The following GRB10 variants were observed in gnomAD, a reference collection of about 807,000 sequenced individuals.
GRB10 encodes the protein growth factor receptor bound protein 10, also known as growth factor receptor-bound protein 10.
GRB10 carries 20 observed loss-of-function variants against 80.9 expected under a neutral mutation model. The observed-to-expected ratio is 0.25, with a 90% CI of 0.17 to 0.36. GRB10 has a LOEUF of 0.36. Ranked by LOEUF, GRB10 falls within the 10% of genes least tolerant of loss-of-function variation. GRB10 has a pLI of 1.00. For synonymous variants in GRB10, 291 were observed against 291.5 expected (o/e 1.00, Z 0.02); for missense variants, 548 against 747.7 (o/e 0.73, Z 3.12).
At chr7:50,606,119 C>A (rs117896224) in intron 14 of GRB10, among the ~76,000 whole-genome samples, 5 of 152,270 alleles carry the variant, frequency 3.3e-5, no homozygotes, top group Non-Finnish European at 7.4e-5. Flanking sequence ...AGGGGAGATG[C>A]AGGGACGGGA....
At chr7:50,639,718 A>G (rs7792550) in intron 7 of GRB10, among the ~76,000 whole-genome samples, 1 of 151,582 alleles carries the variant, frequency 6.6e-6, no homozygotes, top group Non-Finnish European at 1.5e-5. Context: ...AGACCCTAAT[A>G]GGACTTTCCA....
rs1011209355 is a variant in GRB10 at position 50,782,551 on chromosome 7, G to A, written c.-454C>T. ...ACAGCGCTCCGCATGGACAGCGCTC[G>A]GAGCCGGGCCGGGCTGGTCCTCCAC... On this transcript the variant is annotated 5_prime_UTR_variant, in exon 1 of 19. Coordinates refer to ENST00000401949, the MANE Select transcript of GRB10 (RefSeq NM_001350814.2). This position sits in a 1 kb window ranked among gnomAD's most constrained non-coding sequence, Gnocchi z 6.6. The A allele has an allele frequency of 2.7e-5, 4 of 150,676 alleles. No homozygotes were observed. The East Asian group carries it at 7.8e-4, about 29-fold the overall frequency. 9.3% of individuals were successfully genotyped at this position (150,676 alleles called of 1,614,324 possible).
chr7:50,778,838 C>G (rs1184951651), intron 2 of GRB10, among the ~76,000 whole-genome samples: 1 of 152,186 alleles, frequency 6.6e-6, no homozygotes, highest in African/African-American at 2.4e-5. Flanking sequence ...AAAGCAGATA[C>G]AATTCCTACA....
At chr7:50,640,600 A>C (rs1375191035) in intron 7 of GRB10, among the ~76,000 whole-genome samples, 1 of 152,226 alleles carries the variant, frequency 6.6e-6, no homozygotes, top group Non-Finnish European at 1.5e-5. Context: ...ACATTGCTAC[A>C]AAACTTGACC....
At chr7:50,661,139 C>A (rs571423518) in intron 7 of GRB10, among the ~76,000 whole-genome samples, 1 of 152,322 alleles carries the variant, frequency 6.6e-6, no homozygotes, top group East Asian at 1.9e-4. Flanking sequence ...TCTCTCCGTG[C>A]AATACATTCT....
chr7:50,750,030 T>C lies in GRB10; in HGVS notation c.-47+5857A>G, dbSNP rs140376964. Among the ~76,000 whole-genome samples, 263 of 152,338 alleles carry C rather than the reference T, an allele frequency of 1.7e-3. 1 individual carries two copies. The highest frequency in any genetic ancestry group is 5.5e-3 in the African/African-American group (228 of 41,582). Reference sequence around the variant, plus strand: ...TGATCCTGCTACTCCCTTGGTGAGATTGCTGCCAGGCTGGCCCCACTCTCC... The same window carrying C: ...TGATCCTGCTACTCCCTTGGTGAGACTGCTGCCAGGCTGGCCCCACTCTCC... On this transcript the variant is annotated intron_variant, in intron 3 of 18. Transcript: ENST00000401949.
intron 5 of GRB10, among the ~76,000 whole-genome samples, chr7:50,688,614 G>T (rs572534796): frequency 6.6e-5 from 10 of 152,106 alleles, no homozygotes; most frequent in Admixed American, 1.3e-4. Flanking sequence ...CAGGAAGGAT[G>T]TGAGAAGACG....
chr7:50,618,302 C>T (rs2051017265), intron 9 of GRB10, among the ~76,000 whole-genome samples, 163 bp from the exon 10 acceptor site: 1 of 152,164 alleles, frequency 6.6e-6, no homozygotes, highest in South Asian at 2.1e-4. Flanking sequence ...ACAGAAGAAA[C>T]ACCTCCTTCA....
intron 7 of GRB10, among the ~76,000 whole-genome samples, chr7:50,649,314 A>T (rs2057689935): frequency 6.6e-6 from 1 of 152,226 alleles, no homozygotes. Context: ...TTTCCAAAGA[A>T]GCCCAGGAAG....
intron 14 of GRB10, among the ~76,000 whole-genome samples, chr7:50,606,079 T>TA (rs1201374063): frequency 1.3e-5 from 2 of 152,122 alleles, no homozygotes; most frequent in Non-Finnish European, 2.9e-5. Flanking sequence ...TTTGAGCACT[T>TA]AAAGAGAGCC....
At chr7:50,767,744 A>C (rs944224516) in intron 2 of GRB10, among the ~76,000 whole-genome samples, 1 of 152,170 alleles carries the variant, frequency 6.6e-6, no homozygotes, top group Admixed American at 6.5e-5. Context: ...CAGACCCAGC[A>C]GTGAGCCACT....
intron 2 of GRB10, among the ~76,000 whole-genome samples, chr7:50,762,226 A>G (rs2075845319): frequency 6.6e-6 from 1 of 151,790 alleles, no homozygotes; most frequent in Non-Finnish European, 1.5e-5. Context: ...GCCCTTCTGC[A>G]CAGCAGCTCC....
At chr7:50,662,714 G>A (rs1401305825) in intron 7 of GRB10, among the ~76,000 whole-genome samples, 1 of 152,226 alleles carries the variant, frequency 6.6e-6, no homozygotes, top group African/African-American at 2.4e-5. Flanking sequence ...CTTGCAGCAT[G>A]TGGAAGTGCT....
chr7:50,777,358 T>A (rs1198776574), intron 2 of GRB10, among the ~76,000 whole-genome samples: 2 of 151,646 alleles, frequency 1.3e-5, no homozygotes, highest in Admixed American at 6.6e-5. Context: ...CACCTCTTAA[T>A]AACATCACGT....
chr7:50,689,666 G>A (rs991725091), intron 5 of GRB10, among the ~76,000 whole-genome samples: 1 of 152,170 alleles, frequency 6.6e-6, no homozygotes, highest in African/African-American at 2.4e-5. Flanking sequence ...CCATGGGTAA[G>A]AAACTAACAT....
Position 50,720,422 on chromosome 7 carries a change from C to T in GRB10, c.51+11850G>A, listed in dbSNP as rs184366594. On this transcript the variant is annotated intron_variant, in intron 4 of 18. Coordinates refer to ENST00000401949, the MANE Select transcript of GRB10 (RefSeq NM_001350814.2). ...ATGAAAACTGGATCGCAAACCCTAC[C>T]TAAGTGACCCCCTTTGTCGAGACTC... Among the ~76,000 whole-genome samples the T allele has an allele frequency of 2.8e-3, 430 of 152,218 alleles. 1 individual carries two copies. The highest frequency in any genetic ancestry group is 5.4e-3 in the Non-Finnish European group (365 of 68,020).
chr7:50,645,283 C>T (rs185066913), intron 7 of GRB10, among the ~76,000 whole-genome samples: 2 of 152,242 alleles, frequency 1.3e-5, no homozygotes, highest in East Asian at 3.9e-4. Context: ...ACTGGAAAGG[C>T]AAAACAGAAA....
chr7:50,793,013 C>T (rs1278325607), intron 1 of GRB10: 2 of 144,390 alleles, frequency 1.4e-5, no homozygotes, highest in East Asian at 2.1e-4. Flanking sequence ...CGCCTCCGAG[C>T]ACCGCCCGCT....
At chr7:50,705,309 C>T in intron 4 of GRB10, 1 of 985,536 alleles carries the variant, frequency 1.0e-6, no homozygotes, top group Non-Finnish European at 1.2e-6. Context: ...GCGTTCACAC[C>T]TTCCTCCAGA....
Sources: gnomAD v4.1 joint callset for allele counts (sites outside exome capture counted in the v4.1 genomes callset) on GRCh38, gnomAD v4.1.1 for gene constraint, Gnocchi (gnomAD v3.1) non-coding constraint, MANE v1.5 for transcripts, NCBI Gene and HGNC (gene_info 2026-07-23, HGNC 2026-07-21) for gene names.